Variants in ANKS6 observed in about 807,000 individuals in gnomAD.
The protein encoded by ANKS6 is ankyrin repeat and SAM domain-containing protein 6.
In ANKS6, 47 loss-of-function variants were observed where a neutral mutation model predicts 77.9. The ratio of observed to expected loss-of-function variants is 0.60; its 90% CI spans 0.48 to 0.77. The LOEUF (loss-of-function observed/expected upper bound fraction) is 0.77. Among genes scored for constraint, ANKS6 ranks in the 30% least tolerant of loss-of-function variants. The pLI is 0.00. For missense variants in ANKS6, 1,150 were observed against 1,159.1 expected (o/e 0.99, Z 0.11); for synonymous variants, 488 against 501.7 (o/e 0.97, Z 0.37).
chr9:98,756,309 TA>T (rs1588349884), intron 12 of ANKS6, 110 bp downstream of exon 12: 3 of 1,242,810 alleles, frequency 2.4e-6, no homozygotes, highest in Non-Finnish European at 3.3e-6. Context: ...TAAATCTTCT[TA>T]AAACCTGACC....
chr9:98,752,425 T>C (rs922254233), intron 12 of ANKS6, among the ~76,000 whole-genome samples: 2 of 152,084 alleles, frequency 1.3e-5, no homozygotes, highest in African/African-American at 2.4e-5. Context: ...CCTTCCCTCC[T>C]TCCCTCCCTC....
intron 6 of ANKS6, among the ~76,000 whole-genome samples, chr9:98,779,738 A>C (rs1588398313): frequency 6.6e-6 from 1 of 151,590 alleles, no homozygotes; most frequent in Admixed American, 6.6e-5. Flanking sequence ...ATCTCGACTC[A>C]CTGCAAGCTC....
At position 98,742,633 on chromosome 9, in the gene ANKS6, C is replaced by T. The variant is rs2131927822; in HGVS notation, c.2511+2926G>A. Among the ~76,000 whole-genome samples the T allele has an allele frequency of 2.0e-5, 3 of 152,206 alleles. 1 individual carries two copies. In the South Asian group the frequency reaches 6.2e-4, roughly 32 times the overall value. On this transcript the variant is annotated intron_variant, in intron 14 of 14. Coordinates refer to ENST00000353234, the MANE Select transcript of ANKS6 (RefSeq NM_173551.5). ...TTGCACCTATTACTGTGTGGAACTG[C>T]CTGACTTTGCAGGGTGGATGCTGCC...
chr9:98,777,408 G>A lies in ANKS6; in HGVS notation c.1614C>T (p.Thr538=), dbSNP rs1235597028. ...TTTAGAAAAGCCCCACACTCACCATGGTTGTCAATAACGTGTCTTCCTTTT... is the reference window on the plus strand; with the variant it reads ...TTTAGAAAAGCCCCACACTCACCATAGTTGTCAATAACGTGTCTTCCTTTT... ...RGEKEDTLLT[T]MLRNGAPLTR... is the part of the protein sequence containing the mutation. Residue 538 remains threonine, a synonymous_variant, in exon 8 of 15, where the codon ACC becomes ACT. Transcript: ENST00000353234. The A allele has an allele frequency of 2.5e-6, 4 of 1,614,086 alleles. No individual in the cohort carries two copies. Among genetic ancestry groups the A allele is most frequent in the Non-Finnish European group, 3.4e-6 (4 of 1,179,994 alleles).
At position 98,746,000 on chromosome 9, in the gene ANKS6, T is replaced by A. The variant is rs1230120706; in HGVS notation, c.2395-325A>T. 3.3e-5 allele frequency: 11 copies of A among 335,826 alleles called. No individual in the cohort carries two copies. The East Asian group carries it at 7.2e-4, about 22-fold the overall frequency. The allele number at this position is 335,826 out of a possible 1,614,324, so 20.8% of individuals were successfully genotyped here. Reference sequence around the variant, plus strand: ...CAAGGCCCGCTATTAGAAAGGTAACTGCAATGTTGCTGTACTTTTAACAAT... The same window carrying A: ...CAAGGCCCGCTATTAGAAAGGTAACAGCAATGTTGCTGTACTTTTAACAAT... On this transcript the variant is annotated intron_variant, in intron 13 of 14. Coordinates refer to ENST00000353234, the MANE Select transcript of ANKS6 (RefSeq NM_173551.5).
intron 2 of ANKS6, among the ~76,000 whole-genome samples, chr9:98,789,537 A>G (rs1432468655): frequency 2.6e-5 from 4 of 152,134 alleles, no homozygotes; most frequent in African/African-American, 9.7e-5. Context: ...AGAGGAGGTC[A>G]GGCACACTAT....
chr9:98,781,506 T>C (rs1834256168), intron 5 of ANKS6, among the ~76,000 whole-genome samples: 1 of 152,168 alleles, frequency 6.6e-6, no homozygotes. Flanking sequence ...GGCACAGGAC[T>C]CCAACCCTCT....
At position 98,732,744 on chromosome 9, in the gene ANKS6, A is replaced by G. The variant is rs1831269779; in HGVS notation, c.*3775T>C. 1.2e-5 allele frequency: 17 copies of G among 1,431,064 alleles called. No homozygotes were observed. Among genetic ancestry groups the G allele is most frequent in the Admixed American group, 8.5e-5 (3 of 35,422 alleles). The allele number at this position is 1,431,064 out of a possible 1,614,324, so 88.6% of individuals were successfully genotyped here. A position where few individuals can be genotyped will look rare whatever the true frequency, so the allele number is the denominator to read the frequency against. On this transcript the variant is annotated 3_prime_UTR_variant, in exon 15 of 15. Transcript: ENST00000353234. ...GGGAAACTGGGACTCAAAGGGAAGA[A>G]GAAACGTGCTCAACATCACGCAGCA...
At chr9:98,764,904 T>A (rs1309669244) in intron 11 of ANKS6, among the ~76,000 whole-genome samples, 1 of 152,240 alleles carries the variant, frequency 6.6e-6, no homozygotes, top group Non-Finnish European at 1.5e-5. Flanking sequence ...TGGTTTTTCT[T>A]GACTTTTTGT....
chr9:98,787,802 G>A (rs902519226), intron 2 of ANKS6, among the ~76,000 whole-genome samples: 1 of 152,212 alleles, frequency 6.6e-6, no homozygotes, highest in Non-Finnish European at 1.5e-5. Flanking sequence ...CAGAGTGGGA[G>A]AACTGAGCCT....
chr9:98,762,186 T>C (rs957170303), intron 11 of ANKS6, among the ~76,000 whole-genome samples: 1 of 152,194 alleles, frequency 6.6e-6, no homozygotes, highest in Non-Finnish European at 1.5e-5. Context: ...TTTTTAAAAT[T>C]TCAAATTAAA....
intron 8 of ANKS6, among the ~76,000 whole-genome samples, chr9:98,775,261 C>T (rs1177268589): frequency 6.6e-6 from 1 of 152,200 alleles, no homozygotes; most frequent in African/African-American, 2.4e-5. Flanking sequence ...CCCAGGAATT[C>T]CATTTCTAGG....
chr9:98,743,480 C>A (rs1429735706), intron 14 of ANKS6, among the ~76,000 whole-genome samples: 1 of 152,232 alleles, frequency 6.6e-6, no homozygotes, highest in African/African-American at 2.4e-5. Flanking sequence ...TTCCCTCTGC[C>A]TGCTCCGCAC....
intron 11 of ANKS6, among the ~76,000 whole-genome samples, chr9:98,767,803 T>G (rs1015151024): frequency 8.5e-5 from 13 of 152,328 alleles, no homozygotes; most frequent in Admixed American, 7.2e-4. Flanking sequence ...GTGTGCAGTG[T>G]GAGGCTGGGT....
Position 98,780,115 on chromosome 9 carries a change from T to A in ANKS6, c.1368+74A>T. ...CCTAGCATAAACCAGCCTGGGTGCA[T>A]AGGAGGCAGCAGGCTCCCCGCCAGC... On this transcript the variant is annotated intron_variant, in intron 6 of 14. Transcript: ENST00000353234. 1.9e-6 allele frequency: 3 copies of A among 1,585,856 alleles called. No homozygotes were observed. The South Asian group carries it at 3.4e-5, about 18-fold the overall frequency.
chr9:98,732,926 T>C lies in ANKS6; in HGVS notation c.*3593A>G. 1 of 1,060,282 alleles carries C rather than the reference T, an allele frequency of 9.4e-7. No individual in the cohort carries two copies. Among genetic ancestry groups the C allele is most frequent in the Non-Finnish European group, 1.1e-6 (1 of 876,052 alleles). 65.7% of individuals were successfully genotyped at this position (1,060,282 alleles called of 1,614,324 possible). ...GCCTTTGCACATGCCCCAGCTGGAA[T>C]GCCCTTTTTCTTTTCTGCCTAAACC... On this transcript the variant is annotated 3_prime_UTR_variant, in exon 15 of 15. Transcript: ENST00000353234.
chr9:98,745,521 G>A (rs1043525171), intron 14 of ANKS6, 38 bp downstream of exon 14: 1 of 1,573,972 alleles, frequency 6.4e-7, no homozygotes, highest in Non-Finnish European at 8.7e-7. Context: ...GCTCTCAGAT[G>A]TCTGAAACAC....
At chr9:98,762,144 A>G (rs1255783554) in intron 11 of ANKS6, among the ~76,000 whole-genome samples, 1 of 152,116 alleles carries the variant, frequency 6.6e-6, no homozygotes, top group Non-Finnish European at 1.5e-5. Flanking sequence ...TTTTCACATA[A>G]CTTCAATTTC....
intron 13 of ANKS6, among the ~76,000 whole-genome samples, chr9:98,746,329 T>G (rs970165547): frequency 6.6e-6 from 1 of 152,130 alleles, no homozygotes; most frequent in South Asian, 2.1e-4. Context: ...GTGGCTCCAA[T>G]GAAGCAAGCA....
Sources: gnomAD v4.1 joint callset for allele counts (sites outside exome capture counted in the v4.1 genomes callset) on GRCh38, gnomAD v4.1.1 for gene constraint, MANE v1.5 for transcripts, NCBI Gene and HGNC (gene_info 2026-07-23, HGNC 2026-07-21) for gene names.